The following MRE11 variants were observed in gnomAD, a reference collection of about 807,000 sequenced individuals.
The protein encoded by MRE11 is MRE11 double strand break repair nuclease.
Under a neutral mutation model 91.7 loss-of-function variants are expected in MRE11, and 62 were observed. That is an observed-to-expected ratio of 0.68 (90% confidence interval 0.55 to 0.84). The LOEUF is 0.84. MRE11 is among the 40% of genes least tolerant of loss of function. The pLI is 0.00. For synonymous variants in MRE11, 273 were observed against 271.4 expected, an observed-to-expected ratio of 1.01 and a Z score of -0.06; for missense variants, 796 against 852.9, an observed-to-expected ratio of 0.93 and a Z score of 0.83.
intron 16 of MRE11, among the ~76,000 whole-genome samples, chr11:94,443,795 T>C (rs769745029): frequency 1.3e-5 from 2 of 152,134 alleles, no homozygotes; most frequent in Non-Finnish European, 2.9e-5. Flanking sequence ...TTAAAAAGCA[T>C]TGCCTTTGGG....
intron 3 of MRE11, among the ~76,000 whole-genome samples, chr11:94,488,166 A>G (rs1366771691): frequency 1.3e-5 from 2 of 152,192 alleles, no homozygotes; most frequent in African/African-American, 2.4e-5. Context: ...ATTCTGTTTT[A>G]GGGCTCAAGA....
intron 16 of MRE11, 61 bp from the exon 17 acceptor site, chr11:94,437,296 C>A (rs749442719): frequency 3.3e-6 from 5 of 1,518,326 alleles, no homozygotes; most frequent in Non-Finnish European, 4.5e-6. Context: ...GAAAAACTTG[C>A]ATACTTCTTT....
chr11:94,511,183 C>CCA, the MRE11 span, among the ~76,000 whole-genome samples: 3 of 152,066 alleles, frequency 2.0e-5, no homozygotes, highest in African/African-American at 7.2e-5. Flanking sequence ...CGCTCTCTCT[C>CCA]TATATATATA....
intron 6 of MRE11, among the ~76,000 whole-genome samples, chr11:94,478,405 C>T (rs1946927163): frequency 6.6e-6 from 1 of 152,048 alleles, no homozygotes; most frequent in Non-Finnish European, 1.5e-5. Flanking sequence ...GAAAGCTGCA[C>T]AAAATTATAA....
At chr11:94,429,025 T>A (rs996930819) in intron 19 of MRE11, among the ~76,000 whole-genome samples, 4 of 151,652 alleles carry the variant, frequency 2.6e-5, no homozygotes. Flanking sequence ...CATCAGAAAA[T>A]GGGCAAAGGA....
At position 94,490,901 on chromosome 11, in the gene MRE11, C is replaced by A. The variant is rs767339843; in HGVS notation, c.85G>T (p.Asp29Tyr). 6.2e-7 allele frequency: 1 copy of A among 1,604,206 alleles called. No individual in the cohort carries two copies. Among genetic ancestry groups the A allele is most frequent in the East Asian group, 2.2e-5 (1 of 44,762 alleles). ...TDIHLGFMEK[D>Y]AVRGNDTFVT... is the part of the protein sequence containing the mutation. ...AACGTATCATTTCCTCTGACTGCATCTTTCTCCATAAATCCAAGATGAATA... is the reference window on the plus strand; with the variant it reads ...AACGTATCATTTCCTCTGACTGCATATTTCTCCATAAATCCAAGATGAATA... Residue 29 changes from aspartate (D) to tyrosine (Y), a missense_variant, in exon 3 of 20, where the codon GAT becomes TAT. By Grantham distance (160) the Asp-to-Tyr change is radical. Coordinates refer to ENST00000323929, the MANE Select transcript of MRE11 (RefSeq NM_005591.4).
At chr11:94,451,248 A>C (rs1946095981) in intron 14 of MRE11, among the ~76,000 whole-genome samples, 1 of 152,216 alleles carries the variant, frequency 6.6e-6, no homozygotes. Flanking sequence ...CTCAATTCTA[A>C]ATAATCTGGA....
chr11:94,496,761 A>G (rs761267499), upstream of MRE11: 1 of 1,613,056 alleles, frequency 6.2e-7, no homozygotes, highest in South Asian at 1.1e-5. Context: ...TTTTCTGAAC[A>G]CTTTAACCAA....
intron 18 of MRE11, among the ~76,000 whole-genome samples, chr11:94,433,686 G>A (rs1360389480): frequency 2.0e-5 from 3 of 152,128 alleles, no homozygotes; most frequent in South Asian, 2.1e-4. Flanking sequence ...CTGCTGCCAT[G>A]TGAGACATGC....
the MRE11 span, chr11:94,512,324 G>C: frequency 2.4e-6 from 1 of 418,348 alleles, no homozygotes; most frequent in Non-Finnish European, 4.1e-6. Context: ...AAAGTCCTTT[G>C]CTTTGGTCAA....
intron 14 of MRE11, among the ~76,000 whole-genome samples, chr11:94,454,613 A>C (rs1946200405): frequency 6.6e-6 from 1 of 152,158 alleles, no homozygotes; most frequent in Non-Finnish European, 1.5e-5. Context: ...GGAAGCCCCA[A>C]TTACATTTTA....
At chr11:94,435,789 A>AT (rs1565205624) in intron 18 of MRE11, 43 bp downstream of exon 18, 3 of 1,544,266 alleles carry the variant, frequency 1.9e-6, no homozygotes, top group Non-Finnish European at 1.8e-6. Context: ...ATAATTTTTA[A>AT]TTTTTTTCAG....
In MRE11 at chr11:94,452,448, C is replaced by G. The variant is rs552287319; in HGVS notation, c.1563+3828G>C. On this transcript the variant is annotated intron_variant, in intron 14 of 19. Transcript: ENST00000323929. The stretch of plus-strand genomic sequence containing the variant: ...TAAAGATGTGAGGAAACAAGCACTC[C>G]CAAATACTAATGGTGAGAATATAAA... Among the ~76,000 whole-genome samples the G allele has an allele frequency of 3.2e-3, 491 of 152,180 alleles. 2 individuals carry two copies. Among genetic ancestry groups the G allele is most frequent in the Middle Eastern group, 0.01 (3 of 292 alleles).
At chr11:94,492,231 G>A (rs555242844) in intron 2 of MRE11, among the ~76,000 whole-genome samples, 2 of 152,256 alleles carry the variant, frequency 1.3e-5, no homozygotes, top group African/African-American at 4.8e-5. Flanking sequence ...TGGGATTACA[G>A]GCATGCGCCA....
the MRE11 span, among the ~76,000 whole-genome samples, chr11:94,506,028 G>C: frequency 6.6e-6 from 1 of 152,194 alleles, no homozygotes; most frequent in Admixed American, 6.5e-5. Flanking sequence ...GTTTGTGTAA[G>C]TGCATTCTGA....
At chr11:94,471,502 T>C in intron 8 of MRE11, 72 bp downstream of exon 8, 1 of 1,482,630 alleles carries the variant, frequency 6.7e-7, no homozygotes, top group Non-Finnish European at 9.4e-7. Context: ...AACATAGGCC[T>C]TAAACCTATG....
At chr11:94,498,383 C>G (rs1334805504), upstream of MRE11, 1 of 1,613,284 alleles carries the variant, frequency 6.2e-7, no homozygotes, top group Non-Finnish European at 8.5e-7. Context: ...CAAGGATACC[C>G]TAGAACTCCT....
intron 18 of MRE11, among the ~76,000 whole-genome samples, chr11:94,430,194 C>A (rs1172719134): frequency 1.8e-4 from 27 of 152,164 alleles, no homozygotes; most frequent in Admixed American, 1.8e-3. Flanking sequence ...CCTTTACTAC[C>A]TATGTGGCTT....
At chr11:94,432,807 A>AAAAAC (rs1050369840) in intron 18 of MRE11, among the ~76,000 whole-genome samples, 3 of 152,254 alleles carry the variant, frequency 2.0e-5, no homozygotes, top group Non-Finnish European at 2.9e-5. Flanking sequence ...CTCCGTCTCA[A>AAAAAC]AAAACAAAAC....
Sources: allele counts gnomAD v4.1 joint callset (sites outside exome capture counted in the v4.1 genomes callset), GRCh38; gene constraint gnomAD v4.1.1; transcripts MANE v1.5; gene names NCBI Gene and HGNC (gene_info 2026-07-23, HGNC 2026-07-21).